The following GPR89B variants were observed in gnomAD, a reference collection of about 807,000 sequenced individuals.
GPR89B encodes the protein golgi pH regulator B.
GPR89B carries 25 observed loss-of-function variants against 52.4 expected under a neutral mutation model. That is an observed-to-expected ratio of 0.48 (90% CI 0.35 to 0.67). GPR89B has a LOEUF of 0.67. Among genes scored for constraint, GPR89B ranks in the 30% least tolerant of loss-of-function variants. The pLI, the probability that GPR89B is intolerant of heterozygous loss-of-function variation, is 0.01. For synonymous variants in GPR89B, 52 were observed against 151.2 expected (o/e 0.34, Z 4.81); for missense variants, 146 against 450.2 (o/e 0.32, Z 6.11).
At chr1:147,959,318 T>C (rs1656364087) in intron 7 of GPR89B, among the ~76,000 whole-genome samples, 1 of 152,126 alleles carries the variant, frequency 6.6e-6, no homozygotes, top group Admixed American at 6.5e-5. Context: ...TAGTGAAATT[T>C]CAGCAACAGC....
At chr1:148,023,407 G>C in the GPR89B span, among the ~76,000 whole-genome samples, 1 of 146,140 alleles carries the variant, frequency 6.8e-6, no homozygotes, top group East Asian at 1.9e-4. Flanking sequence ...GTGATCATAG[G>C]AGCGCATGTG....
At chr1:147,997,399 A>C (rs1337344788), downstream of GPR89B, among the ~76,000 whole-genome samples, 51 of 151,992 alleles carry the variant, frequency 3.4e-4, no homozygotes, top group African/African-American at 1.1e-3. Flanking sequence ...GCTGGGATAC[A>C]CTCTTCCTCT....
intron 4 of GPR89B, 26 bp downstream of exon 4, chr1:147,943,570 C>A: frequency 6.2e-7 from 1 of 1,612,524 alleles, no homozygotes; most frequent in Non-Finnish European, 8.5e-7. Flanking sequence ...TCTCAGTCAG[C>A]GTATAGATTG....
chr1:148,025,059 AC>A, the GPR89B span, among the ~76,000 whole-genome samples: 22 of 151,496 alleles, frequency 1.5e-4, no homozygotes, highest in South Asian at 2.1e-4. Flanking sequence ...CATCCTTTTC[AC>A]CCCCGCCCCC....
the GPR89B span, chr1:148,001,661 AG>A: frequency 1.6e-6 from 1 of 626,416 alleles, no homozygotes; most frequent in Admixed American, 2.8e-5. Context: ...CCAGCATCCC[AG>A]GAAGCTTATA....
At chr1:147,930,332 C>T (rs1327904524) in intron 1 of GPR89B, among the ~76,000 whole-genome samples, 1 of 152,124 alleles carries the variant, frequency 6.6e-6, no homozygotes, top group African/African-American at 2.4e-5. Flanking sequence ...TACCTGACAC[C>T]CTGCCCACAA....
intron 10 of GPR89B, among the ~76,000 whole-genome samples, chr1:147,979,704 A>C (rs2149086755): frequency 6.6e-6 from 1 of 152,036 alleles, no homozygotes; most frequent in African/African-American, 2.4e-5. Flanking sequence ...ATATTAAACC[A>C]ATCTTGCATT....
the GPR89B span, among the ~76,000 whole-genome samples, chr1:148,002,559 C>T: frequency 6.6e-6 from 1 of 152,116 alleles, no homozygotes; most frequent in Non-Finnish European, 1.5e-5. Flanking sequence ...TCTCCAAGCC[C>T]TCAATTTCAG....
the GPR89B span, among the ~76,000 whole-genome samples, chr1:148,025,059 A>AC: frequency 6.6e-6 from 1 of 151,496 alleles, no homozygotes; most frequent in South Asian, 2.1e-4. Flanking sequence ...CATCCTTTTC[A>AC]CCCCCGCCCC....
At chr1:148,013,335 C>T in the GPR89B span, among the ~76,000 whole-genome samples, 1 of 152,132 alleles carries the variant, frequency 6.6e-6, no homozygotes, top group African/African-American at 2.4e-5. Flanking sequence ...GGCCTCCGGC[C>T]GCCTTCTTCC....
At chr1:148,002,736 T>C in the GPR89B span, among the ~76,000 whole-genome samples, 6,470 of 151,886 alleles carry the variant, frequency 0.043, 206 homozygotes, top group African/African-American at 0.069. Flanking sequence ...CCCTTGTCAC[T>C]TCTCTCCAAC....
rs1290245966 is a variant in GPR89B at position 147,938,803 on chromosome 1, A to T, written c.192A>T (p.Gly64=). 1 of 1,564,840 alleles carries T rather than the reference A, an allele frequency of 6.4e-7. No individual in the cohort carries two copies. The highest frequency in any genetic ancestry group is 1.1e-5 in the South Asian group (1 of 88,484). Residue 64 remains glycine, a synonymous_variant, in exon 3 of 14, where the codon GGA becomes GGT. Transcript: ENST00000314163. ...MFELIIFEIL[G]VLNSSSRYFH... Reference sequence around the variant, plus strand: ...AGCTCATCATCTTTGAAATCTTAGGAGTATTGAATAGCAGGTGAGTAAGAG... The same window carrying T: ...AGCTCATCATCTTTGAAATCTTAGGTGTATTGAATAGCAGGTGAGTAAGAG...
At chr1:147,979,103 C>T (rs1429175947) in intron 10 of GPR89B, among the ~76,000 whole-genome samples, 1 of 151,874 alleles carries the variant, frequency 6.6e-6, no homozygotes, top group Non-Finnish European at 1.5e-5. Flanking sequence ...TGGGAACTCC[C>T]CTTGCCCTGT....
chr1:148,015,643 G>C, the GPR89B span, among the ~76,000 whole-genome samples: 6 of 149,556 alleles, frequency 4.0e-5, 1 homozygote, highest in African/African-American at 1.5e-4. Flanking sequence ...TTGTTTGTTT[G>C]TTTGTTTGTT....
At chr1:148,025,925 AACC>A in the GPR89B span, 2 of 140,962 alleles carry the variant, frequency 1.4e-5, 1 homozygote, top group African/African-American at 5.6e-5. Context: ...TCTGCTGTTA[AACC>A]ACCCAACCTT....
intron 9 of GPR89B, 83 bp downstream of exon 9, chr1:147,969,046 T>C (rs1657234982): frequency 9.1e-7 from 1 of 1,100,220 alleles, no homozygotes; most frequent in South Asian, 1.6e-5. Context: ...TAGATTTCTC[T>C]GTGGCCAAGC....
chr1:147,946,817 G>A (rs199896752), intron 5 of GPR89B, among the ~76,000 whole-genome samples: 1 of 152,044 alleles, frequency 6.6e-6, no homozygotes, highest in East Asian at 1.9e-4. Flanking sequence ...GAGGGAGAAA[G>A]CTAGGGAGAT....
At chr1:147,939,637 C>T (rs1243853110) in intron 3 of GPR89B, among the ~76,000 whole-genome samples, 70 of 151,762 alleles carry the variant, frequency 4.6e-4, no homozygotes, top group African/African-American at 1.5e-3. Context: ...GAGTTGAAAA[C>T]GAAATTTAAA....
intron 12 of GPR89B, 93 bp from the exon 13 acceptor site, chr1:147,992,409 A>G (rs1330838018): frequency 1.8e-6 from 2 of 1,090,846 alleles, no homozygotes; most frequent in African/African-American, 3.1e-5. Flanking sequence ...CATGGAAGAG[A>G]CACTTTTAAT....
Sources: allele counts gnomAD v4.1 joint callset (sites outside exome capture counted in the v4.1 genomes callset), GRCh38; gene constraint gnomAD v4.1.1; transcripts MANE v1.5; gene names NCBI Gene and HGNC (gene_info 2026-07-23, HGNC 2026-07-21).